Variants in IGFL4 observed in about 807,000 individuals in gnomAD.
IGFL4 encodes the protein IGF like family member 4, also known as insulin growth factor-like family member 4.
In IGFL4, 12 loss-of-function variants were observed where a neutral mutation model predicts 15.4. The ratio of observed to expected loss-of-function variants is 0.78; its 90% CI spans 0.50 to 1.26. IGFL4 has a LOEUF of 1.26. IGFL4 is among the 50% of genes most tolerant of loss of function. The probability of loss-of-function intolerance (pLI) is 0.00; values close to 1 mark genes in which losing one functional copy is unlikely to be tolerated. For missense variants in IGFL4, 126 were observed against 147.8 expected (o/e 0.85, Z 0.76); for synonymous variants, 54 against 55.9 (o/e 0.97, Z 0.16).
At chr19:46,072,920 C>T (rs568236026) in intron 1 of IGFL4, among the ~76,000 whole-genome samples, 2 of 151,938 alleles carry the variant, frequency 1.3e-5, no homozygotes, top group East Asian at 1.9e-4. Context: ...AGTTAAACCC[C>T]GTAGTTAATG....
intron 2 of IGFL4, among the ~76,000 whole-genome samples, chr19:46,047,499 A>C (rs1050221357): frequency 6.6e-6 from 1 of 152,100 alleles, no homozygotes; most frequent in Non-Finnish European, 1.5e-5. Flanking sequence ...TTTTTGAAAA[A>C]ATTTATAAAA....
At chr19:46,054,327 T>G (rs1012561913) in intron 2 of IGFL4, among the ~76,000 whole-genome samples, 3 of 152,232 alleles carry the variant, frequency 2.0e-5, no homozygotes, top group African/African-American at 7.2e-5. Context: ...TACATATGGA[T>G]ATTCAGTCTC....
At chr19:46,046,504 C>T (rs578258857) in intron 2 of IGFL4, among the ~76,000 whole-genome samples, 2 of 152,212 alleles carry the variant, frequency 1.3e-5, no homozygotes, top group Admixed American at 6.5e-5. Flanking sequence ...ATACTGTCTT[C>T]GAGAGACCCA....
chr19:46,040,413 A>G lies in IGFL4; in HGVS notation c.74T>C (p.Leu25Pro), dbSNP rs10412490. The change falls in exon 3 of 4, where the codon CTT (leucine) becomes CCT (proline). Residue 25 changes from leucine (L) to proline (P), a missense_variant. Physicochemically the swap from Leu to Pro is moderately conservative, Grantham distance 98. Transcript: ENST00000377697. This position sits in a 1 kb window ranked among gnomAD's most constrained non-coding sequence, Gnocchi z 4.1. ...LGSNSEGVTD[L>P]RLWLCQPAPR... ...CGCTGGCTGGCATAGCCACAGTCTA[A>G]GATCTGGAAGAGTCGGGGCTGGATG... The G allele has an allele frequency of 8.6e-3, 13,957 of 1,613,928 alleles. 1,009 individuals are homozygous for G. The African/African-American group carries it at 0.16, about 18-fold the overall frequency.
At chr19:46,066,857 T>C (rs1316164481) in intron 1 of IGFL4, among the ~76,000 whole-genome samples, 2 of 152,198 alleles carry the variant, frequency 1.3e-5, no homozygotes, top group Non-Finnish European at 2.9e-5. Flanking sequence ...ACATTCAACC[T>C]ATATCAACCA....
In IGFL4 at chr19:46,040,976, G is replaced by C; in HGVS notation, c.-14C>G. 1.9e-6 allele frequency: 3 copies of C among 1,584,450 alleles called. No homozygotes were observed. The highest frequency in any genetic ancestry group is 2.6e-6 in the Non-Finnish European group (3 of 1,167,966). Reference sequence around the variant, plus strand: ...TCTGGGCACCATGGGTTAGGCTTCAGAGCAGCGGACGAGGGAGCAGCAGTG... The same window carrying C: ...TCTGGGCACCATGGGTTAGGCTTCACAGCAGCGGACGAGGGAGCAGCAGTG... On this transcript the variant is annotated 5_prime_UTR_variant, in exon 1 of 4. Transcript: ENST00000377697. The surrounding 1 kb of genome is among the most constrained non-coding windows in gnomAD (Gnocchi z 4.1).
At chr19:46,061,626 C>G (rs564374072) in intron 1 of IGFL4, among the ~76,000 whole-genome samples, 9 of 152,166 alleles carry the variant, frequency 5.9e-5, no homozygotes, top group Non-Finnish European at 1.2e-4. Context: ...ATTTTTACAC[C>G]AGGTCCTGGA....
Position 46,077,045 on chromosome 19 carries a change from T to C in IGFL4, c.-457A>G, listed in dbSNP as rs1969608786. 2.6e-5 allele frequency: 4 copies of C among 152,244 alleles called. No individual in the cohort carries two copies. The South Asian group carries it at 8.3e-4, about 31-fold the overall frequency. The allele number at this position is 152,244 out of a possible 1,614,324, so 9.4% of individuals were successfully genotyped here. The stretch of plus-strand genomic sequence containing the variant: ...CTGAGCATCCCTCGATGAGGGCTGT[T>C]GCGTCTTGATTTCATCTGGGTAGTT... On this transcript the variant is annotated 5_prime_UTR_variant, in exon 1 of 6. Coordinates refer to the IGFL4 transcript ENST00000601672. This position sits in a 1 kb window ranked among gnomAD's most constrained non-coding sequence, Gnocchi z 5.4.
At chr19:46,044,079 G>A (rs1426830889), upstream of IGFL4, among the ~76,000 whole-genome samples, 1 of 152,210 alleles carries the variant, frequency 6.6e-6, no homozygotes, top group Admixed American at 6.5e-5. Flanking sequence ...CCCAGGAGCA[G>A]TGTGGAGGTA....
At chr19:46,047,697 A>C (rs1011184811) in intron 2 of IGFL4, among the ~76,000 whole-genome samples, 3 of 152,168 alleles carry the variant, frequency 2.0e-5, no homozygotes, top group Non-Finnish European at 2.9e-5. Flanking sequence ...CCCTAGACAC[A>C]TACACCCTCC....
At chr19:46,041,133 A>G (rs1969239240), upstream of IGFL4, 1 of 617,178 alleles carries the variant, frequency 1.6e-6, no homozygotes, top group Non-Finnish European at 2.8e-6. Flanking sequence ...TAAATAATTC[A>G]TCAAAAGCTT....
rs1454093328 is a variant in IGFL4 at position 46,039,545 on chromosome 19, GT to G, written c.*346del. 7.3e-6 allele frequency among the ~76,000 whole-genome samples: 1 copy of G among 136,122 alleles called. No individual in the cohort carries two copies. Among genetic ancestry groups the G allele is most frequent in the Non-Finnish European group, 1.6e-5 (1 of 63,868 alleles). The allele number at this position is 136,122 out of a possible 152,430, so 89.3% of individuals were successfully genotyped here. ...ATGAGCATGGAATGTTCTTCCATTT[GT>G]TTGTATCCTCTTTTATTTCCTTGAG... On this transcript the variant is annotated 3_prime_UTR_variant, in exon 4 of 4. Transcript: ENST00000377697.
chr19:46,062,389 T>C (rs928296620), intron 1 of IGFL4, among the ~76,000 whole-genome samples: 3 of 152,350 alleles, frequency 2.0e-5, no homozygotes, highest in Middle Eastern at 3.4e-3. Context: ...GGCACAGCCT[T>C]ACCTACTGAG....
intron 2 of IGFL4, among the ~76,000 whole-genome samples, chr19:46,053,362 C>T (rs1399609359): frequency 2.6e-5 from 4 of 152,024 alleles, no homozygotes; most frequent in Admixed American, 2.0e-4. Context: ...TTACAGGCAC[C>T]CACCACCACG....
intron 1 of IGFL4, among the ~76,000 whole-genome samples, chr19:46,072,321 T>C (rs975691142): frequency 2.6e-5 from 4 of 152,172 alleles, no homozygotes; most frequent in Non-Finnish European, 4.4e-5. Flanking sequence ...GATGGCTTGA[T>C]GGAACTGGAA....
At chr19:46,056,452 T>A (rs1394874025) in intron 2 of IGFL4, among the ~76,000 whole-genome samples, 1 of 152,200 alleles carries the variant, frequency 6.6e-6, no homozygotes, top group Non-Finnish European at 1.5e-5. Context: ...ATTCTCCAAT[T>A]CCATCTTGTA....
chr19:46,040,893 G>A lies in IGFL4; in HGVS notation c.19+51C>T. On this transcript the variant is annotated intron_variant, in intron 1 of 3. Coordinates refer to ENST00000377697, the MANE Select transcript of IGFL4 (RefSeq NM_001002923.3). This position sits in a 1 kb window ranked among gnomAD's most constrained non-coding sequence, Gnocchi z 4.1. ...AACTTTGAAGTTCAGAAATAATTAG[G>A]GATGTGATATCATTAGGGATTAGCT... 6.7e-7 allele frequency: 1 copy of A among 1,499,588 alleles called. No homozygotes were observed. Among genetic ancestry groups the A allele is most frequent in the East Asian group, 2.3e-5 (1 of 43,146 alleles). The allele number at this position is 1,499,588 out of a possible 1,614,324, so 92.9% of individuals were successfully genotyped here.
chr19:46,052,754 A>G (rs2146517012), intron 2 of IGFL4, among the ~76,000 whole-genome samples: 1 of 152,150 alleles, frequency 6.6e-6, no homozygotes, highest in Non-Finnish European at 1.5e-5. Flanking sequence ...TCCCAGCCTA[A>G]AAAGGCAGAA....
chr19:46,064,634 T>G (rs1969477584), intron 1 of IGFL4, among the ~76,000 whole-genome samples: 1 of 152,198 alleles, frequency 6.6e-6, no homozygotes, highest in Non-Finnish European at 1.5e-5. Flanking sequence ...CTATCCATGT[T>G]GTTGCAAATG....
Sources: allele counts gnomAD v4.1 joint callset (sites outside exome capture counted in the v4.1 genomes callset), GRCh38; gene constraint gnomAD v4.1.1; non-coding constraint Gnocchi (gnomAD v3.1); transcripts MANE v1.5; gene names NCBI Gene and HGNC (gene_info 2026-07-23, HGNC 2026-07-21).